GPATCH2: variants seen among roughly 807,000 people sequenced by gnomAD.
The protein encoded by GPATCH2 is G patch domain-containing protein 2.
A neutral mutation model predicts 58.0 loss-of-function variants in GPATCH2; 51 were observed. That is an observed-to-expected ratio of 0.88 (90% CI 0.70 to 1.11). GPATCH2 has a LOEUF of 1.11. Among genes scored for constraint, GPATCH2 ranks in the 50% most tolerant of loss-of-function variants. The pLI is 0.00. For missense variants in GPATCH2, 625 were observed against 652.2 expected, an observed-to-expected ratio of 0.96 and a Z score of 0.45; for synonymous variants, 222 against 218.5, an observed-to-expected ratio of 1.02 and a Z score of -0.14.
chr1:217,453,983 T>G (rs1336004823), intron 8 of GPATCH2, among the ~76,000 whole-genome samples: 7 of 152,114 alleles, frequency 4.6e-5, no homozygotes. Context: ...CACTGTCAGT[T>G]AGAAAAATAT....
At chr1:217,459,525 G>T (rs1267538957) in intron 8 of GPATCH2, among the ~76,000 whole-genome samples, 1 of 151,956 alleles carries the variant, frequency 6.6e-6, no homozygotes, top group African/African-American at 2.4e-5. Context: ...TGCATTTCTG[G>T]AATCTGTTTA....
At chr1:217,449,976 G>C (rs988652767) in intron 8 of GPATCH2, among the ~76,000 whole-genome samples, 1 of 152,072 alleles carries the variant, frequency 6.6e-6, no homozygotes, top group Non-Finnish European at 1.5e-5. Context: ...AAACCGAGAA[G>C]TGGACCTTCT....
At chr1:217,436,804 T>A (rs1658855893) in intron 9 of GPATCH2, among the ~76,000 whole-genome samples, 1 of 152,104 alleles carries the variant, frequency 6.6e-6, no homozygotes, top group Non-Finnish European at 1.5e-5. Flanking sequence ...CTGCCCGAAG[T>A]CAATTAGCTA....
In GPATCH2 at chr1:217,430,862, C is replaced by T. The variant is rs975705397; in HGVS notation, c.*283G>A. The T allele has an allele frequency of 2.2e-4, 101 of 452,438 alleles. No homozygotes were observed. The highest frequency in any genetic ancestry group is 1.9e-3 in the Admixed American group (51 of 26,324). 28.0% of individuals were successfully genotyped at this position (452,438 alleles called of 1,614,324 possible). ...TAAGCAAAGCATCGGAAAGTATTGA[C>T]ACATGAGACTAAAATAAATAAGAGA... On this transcript the variant is annotated 3_prime_UTR_variant, in exon 10 of 10. Coordinates refer to ENST00000366935, the MANE Select transcript of GPATCH2 (RefSeq NM_018040.5).
intron 5 of GPATCH2, among the ~76,000 whole-genome samples, chr1:217,546,783 G>C (rs1201476076): frequency 1.3e-5 from 2 of 152,108 alleles, no homozygotes; most frequent in African/African-American, 2.4e-5. Flanking sequence ...TACAGACAAA[G>C]AAACTATCAA....
intron 5 of GPATCH2, among the ~76,000 whole-genome samples, chr1:217,605,125 A>G (rs963326923): frequency 6.6e-6 from 1 of 152,234 alleles, no homozygotes; most frequent in Admixed American, 6.5e-5. Context: ...AAGTTGAGCA[A>G]GACATACAGA....
At chr1:217,502,407 C>T (rs1368680980) in intron 6 of GPATCH2, among the ~76,000 whole-genome samples, 2 of 151,952 alleles carry the variant, frequency 1.3e-5, no homozygotes, top group African/African-American at 2.4e-5. Flanking sequence ...CCATTTTAAT[C>T]TCCCATTTTA....
intron 5 of GPATCH2, among the ~76,000 whole-genome samples, chr1:217,533,910 A>G (rs964809182): frequency 1.3e-5 from 2 of 152,164 alleles, no homozygotes; most frequent in Non-Finnish European, 2.9e-5. Context: ...AATATAAAAT[A>G]AGATCTATTA....
intron 5 of GPATCH2, among the ~76,000 whole-genome samples, chr1:217,592,649 C>T (rs1667643903): frequency 6.6e-6 from 1 of 151,764 alleles, no homozygotes; most frequent in African/African-American, 2.4e-5. Flanking sequence ...TCATGGAAAA[C>T]CAAACTGATT....
In GPATCH2 at chr1:217,431,182, G is replaced by A; in HGVS notation, c.1550C>T (p.Ser517Phe). The part of the protein sequence containing the change: ...GLGFPLPKST[S>F]ATTTPNAGKS... ...TCCTGCATTGGGGGTAGTAGTTGCG[G>A]AAGTACTTTTTGGTAGAGGAAATCC... is the stretch of plus-strand genomic sequence containing the variant. Residue 517 changes from serine to phenylalanine, a missense_variant, in exon 10 of 10, where the codon TCC becomes TTC. Physicochemically the swap from Ser to Phe is radical, Grantham distance 155. Coordinates refer to ENST00000366935, the MANE Select transcript of GPATCH2 (RefSeq NM_018040.5). The A allele has an allele frequency of 6.3e-7, 1 of 1,598,742 alleles. No individual in the cohort carries two copies. Among genetic ancestry groups the A allele is most frequent in the Non-Finnish European group, 8.6e-7 (1 of 1,165,990 alleles).
chr1:217,599,837 A>G (rs1668028156), intron 5 of GPATCH2, among the ~76,000 whole-genome samples: 1 of 152,228 alleles, frequency 6.6e-6, no homozygotes, highest in Non-Finnish European at 1.5e-5. Flanking sequence ...ATTTTTGTGA[A>G]TTGAAAAATT....
chr1:217,436,257 AAT>A lies in GPATCH2; in HGVS notation c.1367-4894_1367-4893del, dbSNP rs1160365616. On this transcript the variant is annotated intron_variant, in intron 9 of 9. Coordinates refer to ENST00000366935, the MANE Select transcript of GPATCH2 (RefSeq NM_018040.5). ...TCAGACAGGAATGTTTATCTGCTAC[AAT>A]ATAATCAGAACCATTTTTGGTCTTC... Among the ~76,000 whole-genome samples, 6 of 152,308 alleles carry A rather than the reference AAT, an allele frequency of 3.9e-5. No homozygotes were observed. In the South Asian group the frequency reaches 6.2e-4, roughly 16 times the overall value.
chr1:217,584,461 G>A (rs1409558868), intron 5 of GPATCH2, among the ~76,000 whole-genome samples: 6 of 151,220 alleles, frequency 4.0e-5, no homozygotes, highest in South Asian at 2.1e-4. Context: ...CCCGGGAGGC[G>A]GAGGTTGCAG....
intron 5 of GPATCH2, among the ~76,000 whole-genome samples, chr1:217,555,220 T>A (rs555581078): frequency 7.2e-5 from 11 of 152,334 alleles, no homozygotes; most frequent in African/African-American, 2.2e-4. Flanking sequence ...TAAGCTAGCA[T>A]CATAATTTAA....
intron 1 of GPATCH2, among the ~76,000 whole-genome samples, chr1:217,628,342 C>T (rs1669558829): frequency 6.6e-6 from 1 of 152,008 alleles, no homozygotes. Flanking sequence ...GAAAAATTAT[C>T]AAAGACAACG....
intron 6 of GPATCH2, 196 bp from the exon 7 acceptor site, chr1:217,498,591 A>G (rs1571810977): frequency 5.0e-6 from 3 of 596,614 alleles, no homozygotes; most frequent in Non-Finnish European, 9.0e-6. Flanking sequence ...ATAACCTGGT[A>G]ATTTTCAATT....
intron 5 of GPATCH2, among the ~76,000 whole-genome samples, chr1:217,549,607 G>A (rs1026901668): frequency 5.9e-5 from 9 of 152,122 alleles, no homozygotes; most frequent in African/African-American, 2.2e-4. Context: ...AATACTTAGA[G>A]ACTCTTGTCA....
At chr1:217,489,513 T>G (rs973157555) in intron 8 of GPATCH2, among the ~76,000 whole-genome samples, 2 of 152,220 alleles carry the variant, frequency 1.3e-5, no homozygotes, top group African/African-American at 4.8e-5. Context: ...TTATTTTCTT[T>G]TATTTATTTT....
At position 217,613,117 on chromosome 1, in the gene GPATCH2, G is replaced by A. The variant is rs905998393; in HGVS notation, c.835+1024C>T. ...GATCTGTATTTTAATGAGAATTTAA[G>A]TATATTATCAGGATGGTTACCCTTG... On this transcript the variant is annotated intron_variant, in intron 3 of 9. Transcript: ENST00000366935. Among the ~76,000 whole-genome samples, 3 of 151,742 alleles carry A rather than the reference G, an allele frequency of 2.0e-5. No individual in the cohort carries two copies. In the East Asian group the frequency reaches 5.8e-4, roughly 29 times the overall value.
Sources: allele counts gnomAD v4.1 joint callset (sites outside exome capture counted in the v4.1 genomes callset), GRCh38; gene constraint gnomAD v4.1.1; transcripts MANE v1.5; gene names NCBI Gene and HGNC (gene_info 2026-07-23, HGNC 2026-07-21).